POR: variants seen among roughly 807,000 people sequenced by gnomAD.
POR encodes cytochrome p450 oxidoreductase.
In POR, 56 loss-of-function variants were observed where a neutral mutation model predicts 84.0. That is an observed-to-expected ratio of 0.67 (90% CI 0.54 to 0.83). The LOEUF (loss-of-function observed/expected upper bound fraction) is 0.83. Among genes scored for constraint, POR ranks in the 40% least tolerant of loss-of-function variants. The probability of loss-of-function intolerance (pLI) is 0.00; values close to 1 mark genes in which losing one functional copy is unlikely to be tolerated. For missense variants in POR, 938 were observed against 944.3 expected, an observed-to-expected ratio of 0.99 and a Z score of 0.09; for synonymous variants, 414 against 400.5, an observed-to-expected ratio of 1.03 and a Z score of -0.40.
intron 1 of POR, among the ~76,000 whole-genome samples, chr7:75,929,841 G>A (rs1807323637): frequency 6.6e-6 from 1 of 152,158 alleles, no homozygotes; most frequent in Non-Finnish European, 1.5e-5. Context: ...TGCACTAGTA[G>A]AAACTCTGTT....
rs545891873 is a variant in POR, at chr7:75,918,493, C to T, written c.-5+3314C>T. Among the ~76,000 whole-genome samples, 10 of 152,152 alleles carry T rather than the reference C, an allele frequency of 6.6e-5. No individual in the cohort carries two copies. The South Asian group carries it at 2.1e-3, about 32-fold the overall frequency. On this transcript the variant is annotated intron_variant, in intron 1 of 15. Coordinates refer to ENST00000461988, the MANE Select transcript of POR (RefSeq NM_000941.3). ...TCATCACTAAAGTCAGAGAAAGAAC[C>T]CACTCCACCTGCCTCTGGGACAGCT...
At chr7:75,936,712 C>G (rs1299794660) in intron 1 of POR, among the ~76,000 whole-genome samples, 26 of 152,016 alleles carry the variant, frequency 1.7e-4, no homozygotes, top group Admixed American at 1.6e-3. Context: ...CAGGTGATCT[C>G]TCCAGACTGT....
At chr7:75,942,684 C>A (rs930936785) in intron 1 of POR, among the ~76,000 whole-genome samples, 1 of 151,262 alleles carries the variant, frequency 6.6e-6, no homozygotes, top group Non-Finnish European at 1.5e-5. Flanking sequence ...GGTTTGAGCT[C>A]AAAAAAATGT....
rs67962805 is a variant in POR at position 75,932,182 on chromosome 7, C to CT, written c.-5+17018dup. 3.2e-3 allele frequency among the ~76,000 whole-genome samples: 451 copies of CT among 143,026 alleles called. 2 individuals are homozygous for CT. Among genetic ancestry groups the CT allele is most frequent in the South Asian group, 0.026 (116 of 4,498 alleles). 93.8% of individuals were successfully genotyped at this position (143,026 alleles called of 152,430 possible). A position where few individuals can be genotyped will look rare whatever the true frequency, so the allele number is the denominator to read the frequency against. ...TATTTCTAAGACAAATTCAGAAATT[C>CT]TTTTTTTTTTTTTTTGAGACAAATT... On this transcript the variant is annotated intron_variant, in intron 1 of 15. Coordinates refer to ENST00000461988, the MANE Select transcript of POR (RefSeq NM_000941.3).
chr7:75,928,519 GCC>G (rs1554549820), intron 1 of POR, among the ~76,000 whole-genome samples: 1 of 152,234 alleles, frequency 6.6e-6, no homozygotes, highest in Non-Finnish European at 1.5e-5. Flanking sequence ...CCAGGGCCAG[GCC>G]CTCCAGCAAT....
Position 75,935,735 on chromosome 7 carries a change from A to G in POR, c.-4-18254A>G, listed in dbSNP as rs138526308. 2.0e-5 allele frequency among the ~76,000 whole-genome samples: 3 copies of G among 151,608 alleles called. No homozygotes were observed. In the East Asian group the frequency reaches 5.8e-4, roughly 30 times the overall value. ...CACTTGGGATTTTTCACCAGGCATC[A>G]TCACCAATCAGCCAGCTCAGATTAA... On this transcript the variant is annotated intron_variant, in intron 1 of 15. Coordinates refer to ENST00000461988, the MANE Select transcript of POR (RefSeq NM_000941.3).
intron 2 of POR, among the ~76,000 whole-genome samples, chr7:75,966,469 C>T (rs1296126707): frequency 6.6e-6 from 1 of 152,216 alleles, no homozygotes; most frequent in Non-Finnish European, 1.5e-5. Flanking sequence ...CAGGCTGCCC[C>T]CAGCTCTGCT....
At chr7:75,938,216 G>A (rs1554551101) in intron 1 of POR, among the ~76,000 whole-genome samples, 1 of 152,184 alleles carries the variant, frequency 6.6e-6, no homozygotes, top group African/African-American at 2.4e-5. Flanking sequence ...TGGGGAAAAG[G>A]CCATCAGCTG....
intron 1 of POR, among the ~76,000 whole-genome samples, chr7:75,932,122 G>A (rs1188321784): frequency 6.6e-6 from 1 of 152,002 alleles, no homozygotes; most frequent in Non-Finnish European, 1.5e-5. Flanking sequence ...GTAAGTCAGG[G>A]ACCTTGAAAA....
At chr7:75,968,537 C>G (rs1210700061) in intron 2 of POR, among the ~76,000 whole-genome samples, 1 of 152,258 alleles carries the variant, frequency 6.6e-6, no homozygotes, top group African/African-American at 2.4e-5. Context: ...CCCTCTCGGG[C>G]TAAGCCCGTG....
chr7:75,971,650 G>A (rs1554556164), intron 2 of POR, among the ~76,000 whole-genome samples: 1 of 152,172 alleles, frequency 6.6e-6, no homozygotes, highest in African/African-American at 2.4e-5. Context: ...CAGGAACGCA[G>A]AGAAGGGAAA....
intron 2 of POR, among the ~76,000 whole-genome samples, chr7:75,963,659 T>C (rs1157910589): frequency 6.6e-6 from 1 of 152,028 alleles, no homozygotes; most frequent in Non-Finnish European, 1.5e-5. Context: ...GTATCCCCCA[T>C]TGGGGGTGTG....
intron 5 of POR, 74 bp from the exon 6 acceptor site, chr7:75,980,974 C>T (rs551846082): frequency 1.3e-4 from 193 of 1,465,388 alleles, no homozygotes; most frequent in Non-Finnish European, 1.6e-4. Context: ...TGGGGCCTCC[C>T]GCCCTGCCCC....
At chr7:75,960,769 C>T (rs1288778238) in intron 2 of POR, among the ~76,000 whole-genome samples, 1 of 152,152 alleles carries the variant, frequency 6.6e-6, no homozygotes, top group African/African-American at 2.4e-5. Flanking sequence ...GGGTCCCTAC[C>T]TTAGTGCGGG....
intron 1 of POR, among the ~76,000 whole-genome samples, chr7:75,930,753 C>G (rs1807372722): frequency 6.6e-6 from 1 of 152,116 alleles, no homozygotes; most frequent in Non-Finnish European, 1.5e-5. Context: ...AACTCCTGAC[C>G]TCAGGTGATC....
chr7:75,926,565 G>T (rs893379868), intron 1 of POR, among the ~76,000 whole-genome samples: 1 of 152,150 alleles, frequency 6.6e-6, no homozygotes, highest in African/African-American at 2.4e-5. Context: ...GGAGGCCGAG[G>T]CGGGCAGATC....
Position 75,968,576 on chromosome 7 carries a change from G to T in POR, c.189-3837G>T, listed in dbSNP as rs533536100. On this transcript the variant is annotated intron_variant, in intron 2 of 15. Coordinates refer to ENST00000461988, the MANE Select transcript of POR (RefSeq NM_000941.3). ...TTTGCTTCTTGGAGCCCCCAGCAGG[G>T]CCTTGGGTTGGGAAGGGAGTTTCCT... is the stretch of plus-strand genomic sequence containing the variant. 3.9e-5 allele frequency among the ~76,000 whole-genome samples: 6 copies of T among 152,382 alleles called. No individual in the cohort carries two copies. In the South Asian group the frequency reaches 1.0e-3, roughly 26 times the overall value.
intron 5 of POR, chr7:75,980,828 C>T: frequency 1.7e-6 from 2 of 1,180,636 alleles, no homozygotes; most frequent in Admixed American, 2.7e-5. Context: ...TGGGTTGAGG[C>T]TGGCAGTGGA....
rs142217832 is a variant in POR, at chr7:75,926,868, G to T, written c.-5+11689G>T. Among the ~76,000 whole-genome samples, 1,048 of 152,246 alleles carry T rather than the reference G, an allele frequency of 6.9e-3. 11 individuals are homozygous for T. The highest frequency in any genetic ancestry group is 0.024 in the African/African-American group (992 of 41,540). ...TGATGAGCACCAGGGTTACAGAGGT[G>T]CAGGATAGCTCCACCCAGACACGAG... On this transcript the variant is annotated intron_variant, in intron 1 of 15. Transcript: ENST00000461988.
Sources: allele counts gnomAD v4.1 joint callset (sites outside exome capture counted in the v4.1 genomes callset), GRCh38; gene constraint gnomAD v4.1.1; transcripts MANE v1.5; gene names NCBI Gene and HGNC (gene_info 2026-07-23, HGNC 2026-07-21).